Variants in MBD2 observed in about 807,000 individuals in gnomAD.
The protein encoded by MBD2 is methyl-CpG binding domain protein 2, also known as methyl-CpG-binding domain protein 2.
A neutral mutation model predicts 39.3 loss-of-function variants in MBD2; 9 were observed. The ratio of observed to expected loss-of-function variants is 0.23; its 90% CI spans 0.14 to 0.40. The LOEUF (loss-of-function observed/expected upper bound fraction) is 0.40, where lower values mean the gene tolerates loss of function less well. Among genes scored for constraint, MBD2 ranks in the 10% least tolerant of loss-of-function variants. MBD2 has a pLI of 1.00. For missense variants in MBD2, 458 were observed against 532.6 expected (o/e 0.86, Z 1.38); for synonymous variants, 233 against 211.1 (o/e 1.10, Z -0.90).
rs191336996 is a variant in MBD2 at position 54,186,035 on chromosome 18, G to A, written c.840+2839C>T. On this transcript the variant is annotated intron_variant, in intron 3 of 6. Transcript: ENST00000256429. ...CATATAAATGACCTGGGCATAGGAT[G>A]TTGGTTATAAAAGACAGAATTATTA... Among the ~76,000 whole-genome samples, 824 of 152,114 alleles carry A rather than the reference G, an allele frequency of 5.4e-3. 3 individuals carry two copies. Among genetic ancestry groups the A allele is most frequent in the African/African-American group, 0.019 (786 of 41,532 alleles).
At chr18:54,210,686 A>C (rs1221024482) in intron 1 of MBD2, among the ~76,000 whole-genome samples, 3 of 152,156 alleles carry the variant, frequency 2.0e-5, no homozygotes, top group Non-Finnish European at 4.4e-5. Context: ...CCTGTGAGTG[A>C]CAAGGGGTGT....
chr18:54,166,320 G>A (rs1423879416), intron 3 of MBD2, among the ~76,000 whole-genome samples, 154 bp from the exon 4 acceptor site: 3 of 152,112 alleles, frequency 2.0e-5, no homozygotes, highest in South Asian at 2.1e-4. Flanking sequence ...TTCCAAACAT[G>A]AATTATTTCC....
chr18:54,223,789 C>T lies in MBD2; in HGVS notation c.542+229G>A, dbSNP rs577352545. Among the ~76,000 whole-genome samples the T allele has an allele frequency of 1.1e-4, 17 of 152,270 alleles. No individual in the cohort carries two copies. The South Asian group carries it at 3.3e-3, about 30-fold the overall frequency. On this transcript the variant is annotated intron_variant, in intron 1 of 6. Transcript: ENST00000256429. ...CCCTTTCTTCGCAAACCATCTTCCC[C>T]GACGCCTTCCACATAAGATGCCCTC...
intron 1 of MBD2, among the ~76,000 whole-genome samples, chr18:54,223,486 G>A (rs1403813733): frequency 2.0e-5 from 3 of 152,216 alleles, no homozygotes; most frequent in Non-Finnish European, 4.4e-5. Flanking sequence ...ACTTAGTACA[G>A]TGTGTCAGTT....
At position 54,188,962 on chromosome 18, in the gene MBD2, A is replaced by C; in HGVS notation, c.752T>G (p.Ile251Ser). ...TTLPIRQTAS[I>S]FKQPVTKVTN... ...GACTTTGGTTACCGGTTGTTTGAAA[A>C]TTGATGCTGTTTGTCTAATTGGCAA... The change falls in exon 3 of 7, where the codon ATT (isoleucine) becomes AGT (serine). Residue 251 changes from isoleucine to serine, a missense_variant. Coordinates refer to ENST00000256429, the MANE Select transcript of MBD2 (RefSeq NM_003927.5). 6.2e-7 allele frequency: 1 copy of C among 1,610,334 alleles called. No homozygotes were observed. The highest frequency in any genetic ancestry group is 8.5e-7 in the Non-Finnish European group (1 of 1,177,582).
chr18:54,189,972 G>A (rs1449094984), intron 2 of MBD2, among the ~76,000 whole-genome samples: 1 of 152,044 alleles, frequency 6.6e-6, no homozygotes, highest in African/African-American at 2.4e-5. Flanking sequence ...ATACCAATCA[G>A]GATAGCAATC....
Position 54,224,479 on chromosome 18 carries a change from G to A in MBD2, c.81C>T (p.Gly27=). The change falls in exon 1 of 7, where the codon GGC becomes GGT. Residue 27 remains glycine (G), a synonymous_variant. Transcript: ENST00000256429. ...GESAAGGSGA[G]GDSAIEQGGQ... is the part of the protein sequence containing the mutation. ...CCCCCTGCTCTATGGCGGAGTCGCC[G>A]CCAGCGCCGCTGCCGCCCGCCGCAC... The A allele has an allele frequency of 8.1e-7, 1 of 1,231,556 alleles. No individual in the cohort carries two copies. The highest frequency in any genetic ancestry group is 3.2e-5 in the East Asian group (1 of 31,252). The allele number at this position is 1,231,556 out of a possible 1,614,324, so 76.3% of individuals were successfully genotyped here.
At chr18:54,181,931 G>A (rs2086254467) in intron 3 of MBD2, among the ~76,000 whole-genome samples, 1 of 152,148 alleles carries the variant, frequency 6.6e-6, no homozygotes, top group South Asian at 2.1e-4. Flanking sequence ...TGTCTAGAAT[G>A]TTCCCTCCAT....
chr18:54,172,781 T>A (rs1424024371), intron 3 of MBD2, among the ~76,000 whole-genome samples: 3 of 152,216 alleles, frequency 2.0e-5, no homozygotes, highest in African/African-American at 7.2e-5. Context: ...ACAACCAATG[T>A]TCAAACTTGC....
At chr18:54,209,477 A>C (rs2086482491) in intron 1 of MBD2, among the ~76,000 whole-genome samples, 1 of 152,180 alleles carries the variant, frequency 6.6e-6, no homozygotes, top group Admixed American at 6.5e-5. Flanking sequence ...ATAATGAATA[A>C]CCATTTCCTG....
At chr18:54,165,482 A>G (rs1277189974) in intron 4 of MBD2, among the ~76,000 whole-genome samples, 2 of 152,334 alleles carry the variant, frequency 1.3e-5, no homozygotes, top group Middle Eastern at 3.4e-3. Context: ...CAAGCTTTAG[A>G]AGCCAAAGTT....
At chr18:54,189,517 C>T (rs907694329) in intron 2 of MBD2, among the ~76,000 whole-genome samples, 1 of 151,898 alleles carries the variant, frequency 6.6e-6, no homozygotes, top group African/African-American at 2.4e-5. Flanking sequence ...CCACCGCGCC[C>T]GGCCAGCTTT....
intron 1 of MBD2, among the ~76,000 whole-genome samples, chr18:54,220,209 T>C (rs958074539): frequency 2.0e-5 from 3 of 152,118 alleles, no homozygotes; most frequent in Non-Finnish European, 4.4e-5. Flanking sequence ...CAACTAGAAA[T>C]GACAGGAGTC....
At chr18:54,181,936 C>T (rs2086254513) in intron 3 of MBD2, among the ~76,000 whole-genome samples, 1 of 152,176 alleles carries the variant, frequency 6.6e-6, no homozygotes, top group African/African-American at 2.4e-5. Flanking sequence ...AGAATGTTCC[C>T]TCCATATTTC....
At chr18:54,223,021 C>G (rs2086628480) in intron 1 of MBD2, among the ~76,000 whole-genome samples, 1 of 152,192 alleles carries the variant, frequency 6.6e-6, no homozygotes, top group South Asian at 2.1e-4. Flanking sequence ...TATACATTCC[C>G]TGAAAAATGC....
chr18:54,160,651 A>G lies in MBD2; in HGVS notation c.1110-748T>C, dbSNP rs1367988993. Among the ~76,000 whole-genome samples the G allele has an allele frequency of 5.3e-5, 7 of 133,126 alleles. No individual in the cohort carries two copies. The East Asian group carries it at 6.4e-4, about 12-fold the overall frequency. 87.3% of individuals were successfully genotyped at this position (133,126 alleles called of 152,430 possible). ...CAGTATACACTTACCTTTAAAAAGT[A>G]AAAAAAAAAAAAAAAGAAAAGAAAG... is the stretch of plus-strand genomic sequence containing the variant. On this transcript the variant is annotated intron_variant, in intron 5 of 6. Coordinates refer to ENST00000256429, the MANE Select transcript of MBD2 (RefSeq NM_003927.5).
At chr18:54,220,125 C>T (rs2086597801) in intron 1 of MBD2, among the ~76,000 whole-genome samples, 2 of 151,966 alleles carry the variant, frequency 1.3e-5, no homozygotes, top group Admixed American at 6.6e-5. Context: ...TTAAAAAAGG[C>T]AAGAGGGGGC....
chr18:54,193,249 G>T (rs990533181), intron 2 of MBD2, among the ~76,000 whole-genome samples: 1 of 152,164 alleles, frequency 6.6e-6, no homozygotes, highest in Non-Finnish European at 1.5e-5. Flanking sequence ...GGAGTTAAAA[G>T]CCAGACACTT....
At chr18:54,186,437 T>C (rs2086287025) in intron 3 of MBD2, among the ~76,000 whole-genome samples, 1 of 152,156 alleles carries the variant, frequency 6.6e-6, no homozygotes. Flanking sequence ...CAATTACAAA[T>C]AGCTGATTAG....
Sources: allele counts gnomAD v4.1 joint callset (sites outside exome capture counted in the v4.1 genomes callset), GRCh38; gene constraint gnomAD v4.1.1; transcripts MANE v1.5; gene names NCBI Gene and HGNC (gene_info 2026-07-23, HGNC 2026-07-21).